The following TMTC1 variants were observed in gnomAD, a reference collection of about 807,000 sequenced individuals.
TMTC1 encodes the protein transmembrane O-mannosyltransferase targeting cadherins 1.
A neutral mutation model predicts 104.8 loss-of-function variants in TMTC1; 73 were observed. The ratio of observed to expected loss-of-function variants is 0.70; its 90% CI spans 0.58 to 0.85. The LOEUF is 0.85. Among genes scored for constraint, TMTC1 ranks in the 40% least tolerant of loss-of-function variants. The probability of loss-of-function intolerance (pLI) is 0.00; values close to 1 mark genes in which losing one functional copy is unlikely to be tolerated. For synonymous variants in TMTC1, 434 were observed against 428.7 expected (o/e 1.01, Z -0.15); for missense variants, 1,035 against 1,096.1 (o/e 0.94, Z 0.79).
chr12:29,685,734 A>G (rs1402805519), intron 5 of TMTC1, among the ~76,000 whole-genome samples: 1 of 152,114 alleles, frequency 6.6e-6, no homozygotes, highest in Non-Finnish European at 1.5e-5. Flanking sequence ...TTTTTATGTA[A>G]TTTGCTATTT....
At chr12:29,758,119 T>A (rs1273934094) in intron 3 of TMTC1, among the ~76,000 whole-genome samples, 4 of 152,160 alleles carry the variant, frequency 2.6e-5, no homozygotes, top group Non-Finnish European at 5.9e-5. Flanking sequence ...ATGACTCAGA[T>A]GAGAATCTGA....
chr12:29,564,952 G>C lies in TMTC1; in HGVS notation c.1532+7153C>G, dbSNP rs547963938. ...ACCTTGAGCAGAAAAGAAGAGATCAGCCTTAGGCGTGAAAAATGAGCAGGG... is the reference window on the plus strand; with the variant it reads ...ACCTTGAGCAGAAAAGAAGAGATCACCCTTAGGCGTGAAAAATGAGCAGGG... On this transcript the variant is annotated intron_variant, in intron 9 of 17. Transcript: ENST00000539277. 2.6e-5 allele frequency among the ~76,000 whole-genome samples: 4 copies of C among 152,302 alleles called. No homozygotes were observed. In the East Asian group the frequency reaches 7.7e-4, roughly 29 times the overall value.
chr12:29,599,770 C>T (rs746637291), intron 7 of TMTC1, among the ~76,000 whole-genome samples: 1 of 152,030 alleles, frequency 6.6e-6, no homozygotes, highest in Non-Finnish European at 1.5e-5. Flanking sequence ...AGAAAGATTA[C>T]CAACTGAGCC....
In TMTC1 at chr12:29,517,511, G is replaced by T. The variant is rs774205387; in HGVS notation, c.2085C>A (p.Asn695Lys). Residue 695 changes from asparagine (N) to lysine (K), a missense_variant, in exon 14 of 18, where the codon AAC (asparagine) becomes AAA (lysine). Asn to Lys is a moderately conservative substitution (Grantham distance 94). Transcript: ENST00000539277. ...ILSPLGALYY[N>K]TGRYEEALQI... Reference sequence around the variant, plus strand: ...GCAAAGCCTCTTCGTATCGGCCAGTGTTGTAATACAGTGCTCCCAAAGGTG... The same window carrying T: ...GCAAAGCCTCTTCGTATCGGCCAGTTTTGTAATACAGTGCTCCCAAAGGTG... The T allele has an allele frequency of 1.2e-6, 2 of 1,614,172 alleles. No individual in the cohort carries two copies. Among genetic ancestry groups the T allele is most frequent in the Middle Eastern group, 1.7e-4 (1 of 6,060 alleles).
intron 5 of TMTC1, among the ~76,000 whole-genome samples, chr12:29,721,580 TAAAC>T (rs1942238769): frequency 6.6e-6 from 1 of 151,930 alleles, no homozygotes; most frequent in African/African-American, 2.4e-5. Flanking sequence ...CAAGGAGAAA[TAAAC>T]AAATCTACAT....
At chr12:29,773,754 T>C (rs2120584926) in intron 1 of TMTC1, among the ~76,000 whole-genome samples, 1 of 152,302 alleles carries the variant, frequency 6.6e-6, no homozygotes, top group East Asian at 1.9e-4. Context: ...TGATTATCAC[T>C]GTGTCCCAGA....
At chr12:29,579,407 G>GA (rs1945914299) in intron 8 of TMTC1, among the ~76,000 whole-genome samples, 1 of 152,174 alleles carries the variant, frequency 6.6e-6, no homozygotes, top group Admixed American at 6.5e-5. Context: ...TCAGTACCTG[G>GA]TTTATATTCT....
chr12:29,717,149 A>C (rs1053875673), intron 5 of TMTC1, among the ~76,000 whole-genome samples: 3 of 152,256 alleles, frequency 2.0e-5, no homozygotes, highest in Admixed American at 6.5e-5. Context: ...ATTTAAAACA[A>C]GGATCTAACA....
At chr12:29,572,543 G>A (rs1353947867) in intron 8 of TMTC1, among the ~76,000 whole-genome samples, 2 of 152,240 alleles carry the variant, frequency 1.3e-5, no homozygotes, top group East Asian at 1.9e-4. Context: ...AGGCTCTGTC[G>A]CTCTTCCTGA....
intron 7 of TMTC1, among the ~76,000 whole-genome samples, chr12:29,596,639 A>T (rs1223906317): frequency 6.6e-6 from 1 of 152,224 alleles, no homozygotes. Flanking sequence ...AAGCTGGTGC[A>T]TTGAGCTTTT....
chr12:29,643,397 A>G (rs1025191581), intron 5 of TMTC1, among the ~76,000 whole-genome samples: 3 of 87,494 alleles, frequency 3.4e-5, no homozygotes, highest in Admixed American at 1.1e-4. Context: ...GAACCAACCC[A>G]AATACCCATC....
At chr12:29,702,788 TAAGAAAAAAA>T (rs200848749) in intron 5 of TMTC1, among the ~76,000 whole-genome samples, 7,423 of 152,078 alleles carry the variant, frequency 0.049, 280 homozygotes, top group Non-Finnish European at 0.07. Flanking sequence ...TTCATTGACA[TAAGAAAAAAA>T]TAGTCCATCA....
intron 5 of TMTC1, among the ~76,000 whole-genome samples, chr12:29,662,540 C>T (rs1371410073): frequency 2.6e-5 from 4 of 151,962 alleles, no homozygotes; most frequent in Non-Finnish European, 5.9e-5. Context: ...GTCCCAGCTA[C>T]TCGGAAGGCT....
intron 11 of TMTC1, among the ~76,000 whole-genome samples, chr12:29,523,427 G>A (rs1202145052): frequency 6.6e-6 from 1 of 152,244 alleles, no homozygotes; most frequent in East Asian, 1.9e-4. Flanking sequence ...ACAGCTGGCT[G>A]TCTTGATTGG....
chr12:29,728,286 C>A (rs1170784824), intron 5 of TMTC1, among the ~76,000 whole-genome samples: 4 of 151,970 alleles, frequency 2.6e-5, no homozygotes, highest in Non-Finnish European at 5.9e-5. Context: ...TCCTGTCAGT[C>A]CAGAGGCTCA....
At chr12:29,611,209 GTTTGA>G (rs1196101851) in intron 6 of TMTC1, among the ~76,000 whole-genome samples, 3 of 111,632 alleles carry the variant, frequency 2.7e-5, no homozygotes, top group Non-Finnish European at 5.4e-5. Flanking sequence ...AGAGCCTTTT[GTTTGA>G]TTTGTTTTTA....
chr12:29,741,477 C>T (rs1310908919), intron 5 of TMTC1, among the ~76,000 whole-genome samples: 2 of 152,148 alleles, frequency 1.3e-5, no homozygotes, highest in African/African-American at 4.8e-5. Context: ...AGCTTGTCTC[C>T]CTTGTGTCAC....
At chr12:29,547,765 T>C (rs1944979178) in intron 10 of TMTC1, among the ~76,000 whole-genome samples, 1 of 152,228 alleles carries the variant, frequency 6.6e-6, no homozygotes, top group Non-Finnish European at 1.5e-5. Context: ...CTAAGACATT[T>C]GGACTCTATG....
At chr12:29,598,455 G>A (rs1336872449) in intron 7 of TMTC1, among the ~76,000 whole-genome samples, 2 of 152,154 alleles carry the variant, frequency 1.3e-5, no homozygotes, top group South Asian at 2.1e-4. Flanking sequence ...GATAAAGATC[G>A]CACTGAATCT....
Sources: allele counts gnomAD v4.1 joint callset (sites outside exome capture counted in the v4.1 genomes callset), GRCh38; gene constraint gnomAD v4.1.1; transcripts MANE v1.5; gene names NCBI Gene and HGNC (gene_info 2026-07-23, HGNC 2026-07-21).